The following TSPOAP1 variants were observed in gnomAD, a reference collection of about 807,000 sequenced individuals.
The protein encoded by TSPOAP1 is TSPO associated protein 1.
In TSPOAP1, 87 loss-of-function variants were observed where a neutral mutation model predicts 197.0. The observed-to-expected ratio is 0.44, with a 90% CI of 0.37 to 0.53. The LOEUF (loss-of-function observed/expected upper bound fraction) is 0.53, where lower values mean the gene tolerates loss of function less well. Among genes scored for constraint, TSPOAP1 ranks in the 20% least tolerant of loss-of-function variants. The pLI, the probability that TSPOAP1 is intolerant of heterozygous loss-of-function variation, is 0.00. For missense variants in TSPOAP1, 2,174 were observed against 2,411.3 expected, an observed-to-expected ratio of 0.90 and a Z score of 2.06; for synonymous variants, 913 against 998.9, an observed-to-expected ratio of 0.91 and a Z score of 1.62.
chr17:58,305,302 G>C (rs1233182159), intron 29 of TSPOAP1, 85 bp downstream of exon 29: 1 of 1,551,900 alleles, frequency 6.4e-7, no homozygotes, highest in Non-Finnish European at 8.9e-7. Flanking sequence ...CATTCCTCCG[G>C]ACTTCCTGAG....
chr17:58,328,199 G>T lies in TSPOAP1; in HGVS notation c.-279C>A. ...AGCGAGGGTGTCCCTGTGGGGGTAG[G>T]GAGGATGTGCAGAGGCCACCGACAG... On this transcript the variant is annotated 5_prime_UTR_variant, in exon 1 of 32. Transcript: ENST00000343736. The surrounding 1 kb of genome is among the most constrained non-coding windows in gnomAD (Gnocchi z 4.3). 1 of 499,590 alleles carries T rather than the reference G, an allele frequency of 2.0e-6. No individual in the cohort carries two copies. The allele number at this position is 499,590 out of a possible 1,614,324, so 30.9% of individuals were successfully genotyped here.
At chr17:58,323,410 T>A (rs751308789) in intron 6 of TSPOAP1, 29 bp from the exon 7 acceptor site, 1 of 1,614,242 alleles carries the variant, frequency 6.2e-7, no homozygotes, top group Admixed American at 1.7e-5. Flanking sequence ...GTGCTCCTCA[T>A]GAGGGAAGGT....
chr17:58,324,694 T>G lies in TSPOAP1; in HGVS notation c.942+117A>C. On this transcript the variant is annotated intron_variant, in intron 5 of 31. Transcript: ENST00000343736. This position sits in a 1 kb window ranked among gnomAD's most constrained non-coding sequence, Gnocchi z 5.8. The stretch of plus-strand genomic sequence containing the variant: ...GGGAAAGCTCCCCAGCCCCTGGGAG[T>G]GCGCACACCACCACTGAGTCCTTGG... 1.1e-6 allele frequency: 1 copy of G among 888,154 alleles called. No homozygotes were observed. The highest frequency in any genetic ancestry group is 1.6e-6 in the Non-Finnish European group (1 of 642,406). 55.0% of individuals were successfully genotyped at this position (888,154 alleles called of 1,614,324 possible).
intron 16 of TSPOAP1, among the ~76,000 whole-genome samples, chr17:58,313,032 G>A (rs979134904): frequency 1.3e-5 from 2 of 152,178 alleles, no homozygotes; most frequent in East Asian, 1.9e-4. Flanking sequence ...CTGAGATTCT[G>A]TGATTCTAAT....
In TSPOAP1 at chr17:58,322,541, C is replaced by A. The variant is rs1971433088; in HGVS notation, c.1317+113G>T. On this transcript the variant is annotated intron_variant, in intron 9 of 31. Transcript: ENST00000343736. This position sits in a 1 kb window ranked among gnomAD's most constrained non-coding sequence, Gnocchi z 5.0. ...ATTACAAAGGAAACTGAGCCTGGAG[C>A]AGCTCCAGGCCCAGGCCTCAGAGCT... 6.5e-7 allele frequency: 1 copy of A among 1,549,416 alleles called. No homozygotes were observed. Among genetic ancestry groups the A allele is most frequent in the South Asian group, 1.2e-5 (1 of 84,986 alleles).
At chr17:58,316,154 A>C in intron 15 of TSPOAP1, 22 bp from the exon 16 acceptor site, 1 of 1,569,540 alleles carries the variant, frequency 6.4e-7, no homozygotes, top group African/African-American at 1.4e-5. Context: ...GGCACAGAGG[A>C]GGAGGAGGAG....
chr17:58,325,589 G>T lies in TSPOAP1; in HGVS notation c.695C>A (p.Ala232Asp). 6.2e-7 allele frequency: 1 copy of T among 1,613,474 alleles called. No individual in the cohort carries two copies. Among genetic ancestry groups the T allele is most frequent in the Non-Finnish European group, 8.5e-7 (1 of 1,180,030 alleles). The change falls in exon 4 of 32, where the codon GCT (alanine) becomes GAT (aspartate). Residue 232 changes from alanine (A) to aspartate (D), a missense_variant. Physicochemically the swap from Ala to Asp is moderately radical, Grantham distance 126. Transcript: ENST00000343736. ...SALLAKDKQI[A>D]ALQRECRELQ... Reference sequence around the variant, plus strand: ...CTCCCTGCACTCCCGCTGCAAGGCAGCAATCTGCTTGTCCTTGGCCAGCAG... The same window carrying T: ...CTCCCTGCACTCCCGCTGCAAGGCATCAATCTGCTTGTCCTTGGCCAGCAG...
chr17:58,310,171 A>T lies in TSPOAP1; in HGVS notation c.3700-13T>A. On this transcript the variant is annotated splice_polypyrimidine_tract_variant and intron_variant, in intron 20 of 31. Transcript: ENST00000343736. ...CTGTGTCCTCCTTCTGCAAGAAGTG[A>T]GGCAAGGCAGGAGAGATAAGGACAG... 1 of 1,609,212 alleles carries T rather than the reference A, an allele frequency of 6.2e-7. No individual in the cohort carries two copies. The highest frequency in any genetic ancestry group is 8.5e-7 in the Non-Finnish European group (1 of 1,178,490).
Position 58,311,044 on chromosome 17 carries a change from G to C in TSPOAP1, c.3251C>G (p.Pro1084Arg), listed in dbSNP as rs777248044. 1 of 1,584,174 alleles carries C rather than the reference G, an allele frequency of 6.3e-7. No homozygotes were observed. The highest frequency in any genetic ancestry group is 2.3e-5 in the East Asian group (1 of 43,470). ...CGGTGAGGGGCAGGAGACTCGGGCT[G>C]GCAGGCTGGCCGGAGCCAGGGCGGG... Reference protein sequence around the residue: ...ITPALAPASLPARVSCPSPHP... With the variant: ...ITPALAPASLRARVSCPSPHP... Residue 1084 changes from proline to arginine, a missense_variant, in exon 19 of 32, where the codon CCA becomes CGA. Transcript: ENST00000343736.
chr17:58,326,592 C>G lies in TSPOAP1; in HGVS notation c.441+91G>C. 6.5e-7 allele frequency: 1 copy of G among 1,542,814 alleles called. No homozygotes were observed. Among genetic ancestry groups the G allele is most frequent in the South Asian group, 1.1e-5 (1 of 87,230 alleles). ...GATTTTGTCACCTCCATTGAGCCCC[C>G]ACTTGGAAAGATGTTCATGGGGTGA... On this transcript the variant is annotated intron_variant, in intron 2 of 31. Transcript: ENST00000343736. This position sits in a 1 kb window ranked among gnomAD's most constrained non-coding sequence, Gnocchi z 4.7.
intron 24 of TSPOAP1, 168 bp downstream of exon 24, chr17:58,307,443 C>T: frequency 1.1e-6 from 1 of 895,600 alleles, no homozygotes; most frequent in Non-Finnish European, 1.7e-6. Flanking sequence ...GTAATCTACT[C>T]AAGGTTACAC....
chr17:58,326,404 A>C lies in TSPOAP1; in HGVS notation c.459T>G (p.Pro153=), dbSNP rs765896114. 6 of 1,613,780 alleles carry C rather than the reference A, an allele frequency of 3.7e-6. No individual in the cohort carries two copies. In the South Asian group the frequency reaches 5.5e-5, roughly 15 times the overall value. Residue 153 remains proline (P), a synonymous_variant, in exon 3 of 32, where the codon CCT becomes CCG. Coordinates refer to ENST00000343736, the MANE Select transcript of TSPOAP1 (RefSeq NM_004758.4). The surrounding 1 kb of genome is among the most constrained non-coding windows in gnomAD (Gnocchi z 4.7). ...GCCTCCGCACCTTCTCTTCTGTCTC[A>C]GGGAAGCTGCTCTTCCTCTGACAAG... The part of the protein sequence containing the change: ...ENQMLRKSSF[P]ETEEKVRRLK...
At position 58,323,048 on chromosome 17, in the gene TSPOAP1, G is replaced by A. The variant is rs1971449918; in HGVS notation, c.1105-9C>T. On this transcript the variant is annotated splice_polypyrimidine_tract_variant and intron_variant, in intron 7 of 31. Transcript: ENST00000343736. ...TGTCTCAGCTGCAGTTCCTGAGCGGGCAGAGGAGCTCTCAGGAGGGAGCCC... is the reference window on the plus strand; with the variant it reads ...TGTCTCAGCTGCAGTTCCTGAGCGGACAGAGGAGCTCTCAGGAGGGAGCCC... 1 of 1,602,138 alleles carries A rather than the reference G, an allele frequency of 6.2e-7. No homozygotes were observed. The highest frequency in any genetic ancestry group is 1.1e-5 in the South Asian group (1 of 89,454).
In TSPOAP1 at chr17:58,316,145, G is replaced by T; in HGVS notation, c.1989-13C>A. On this transcript the variant is annotated splice_polypyrimidine_tract_variant and intron_variant, in intron 15 of 31. Transcript: ENST00000343736. Reference sequence around the variant, plus strand: ...AAAGGGGTTGTAGCTGTTAGGGGAGGCACAGAGGAGGAGGAGGAGAGTGAC... The same window carrying T: ...AAAGGGGTTGTAGCTGTTAGGGGAGTCACAGAGGAGGAGGAGGAGAGTGAC... 1 of 1,593,032 alleles carries T rather than the reference G, an allele frequency of 6.3e-7. No homozygotes were observed. The highest frequency in any genetic ancestry group is 8.6e-7 in the Non-Finnish European group (1 of 1,161,254).
chr17:58,316,250 A>C lies in TSPOAP1; in HGVS notation c.1989-118T>G. The C allele has an allele frequency of 5.4e-6, 6 of 1,117,774 alleles. No individual in the cohort carries two copies. In the South Asian group the frequency reaches 7.9e-5, roughly 15 times the overall value. 69.2% of individuals were successfully genotyped at this position (1,117,774 alleles called of 1,614,324 possible). A position where few individuals can be genotyped will look rare whatever the true frequency, so the allele number is the denominator to read the frequency against. On this transcript the variant is annotated intron_variant, in intron 15 of 31. Transcript: ENST00000343736. ...GGAGACTTGGTTGTGGTTGTCCACCACCAGCAAAGCTGAGCCCTCACTGCA... is the reference window on the plus strand; with the variant it reads ...GGAGACTTGGTTGTGGTTGTCCACCCCCAGCAAAGCTGAGCCCTCACTGCA...
At chr17:58,305,674 T>A in intron 27 of TSPOAP1, 31 bp from the exon 28 acceptor site, 1 of 1,371,080 alleles carries the variant, frequency 7.3e-7, no homozygotes, top group South Asian at 1.3e-5. Flanking sequence ...GACTCTGGAC[T>A]CTCTGGAGAG....
chr17:58,307,521 A>T, intron 24 of TSPOAP1, 90 bp downstream of exon 24: 2 of 1,489,064 alleles, frequency 1.3e-6, no homozygotes, highest in Non-Finnish European at 1.8e-6. Context: ...CTCCACCATG[A>T]TTCTGTGCTA....
In TSPOAP1 at chr17:58,310,719, T is replaced by C. The variant is rs1180086319; in HGVS notation, c.3492A>G (p.Ser1164=). The change falls in exon 20 of 32, where the codon TCA becomes TCG. Residue 1164 remains serine (S), a synonymous_variant. Transcript: ENST00000343736. ...TAGATGTGCTGGCTGTCCTCTCCTCTGAGGTGCCCAGCACTGCTGCCCCAG... is the reference window on the plus strand; with the variant it reads ...TAGATGTGCTGGCTGTCCTCTCCTCCGAGGTGCCCAGCACTGCTGCCCCAG... ...EEAGAAVLGT[S]EERTASTSTL... 6.2e-7 allele frequency: 1 copy of C among 1,612,806 alleles called. No individual in the cohort carries two copies. The highest frequency in any genetic ancestry group is 1.7e-5 in the Admixed American group (1 of 59,994).
intron 1 of TSPOAP1, 71 bp downstream of exon 1, chr17:58,327,517 T>C: frequency 6.6e-7 from 1 of 1,523,268 alleles, no homozygotes; most frequent in Non-Finnish European, 8.9e-7. Flanking sequence ...TCGCCTCACC[T>C]CCTGGCCAGG....
Sources: gnomAD v4.1 joint callset for allele counts (sites outside exome capture counted in the v4.1 genomes callset) on GRCh38, gnomAD v4.1.1 for gene constraint, Gnocchi (gnomAD v3.1) non-coding constraint, MANE v1.5 for transcripts, NCBI Gene and HGNC (gene_info 2026-07-23, HGNC 2026-07-21) for gene names.